The following PPP4R2 variants were observed in gnomAD, a reference collection of about 807,000 sequenced individuals.
PPP4R2 encodes protein phosphatase 4 regulatory subunit 2.
A neutral mutation model predicts 47.2 loss-of-function variants in PPP4R2; 13 were observed. The observed-to-expected ratio is 0.28, with a 90% CI of 0.18 to 0.44. PPP4R2 has a LOEUF of 0.44. PPP4R2 is among the 20% of genes least tolerant of loss of function. The probability of loss-of-function intolerance (pLI) is 1.00; values close to 1 mark genes in which losing one functional copy is unlikely to be tolerated. For missense variants in PPP4R2, 421 were observed against 491.2 expected (o/e 0.86, Z 1.35); for synonymous variants, 151 against 163.3 (o/e 0.92, Z 0.57).
At chr3:73,032,391 C>T (rs1408807104) in intron 2 of PPP4R2, among the ~76,000 whole-genome samples, 3 of 148,372 alleles carry the variant, frequency 2.0e-5, no homozygotes, top group Admixed American at 6.7e-5. Context: ...CTGGTTCAAG[C>T]GATTCTCCTG....
intron 2 of PPP4R2, among the ~76,000 whole-genome samples, chr3:73,010,663 A>T (rs529855325): frequency 6.6e-6 from 1 of 151,516 alleles, no homozygotes; most frequent in Non-Finnish European, 1.5e-5. Flanking sequence ...GTTTCGAGCG[A>T]TTCTCTTGCC....
chr3:73,028,707 G>A (rs1214777220), intron 2 of PPP4R2, among the ~76,000 whole-genome samples: 3 of 152,120 alleles, frequency 2.0e-5, no homozygotes, highest in Non-Finnish European at 4.4e-5. Context: ...CAAAGTGCTG[G>A]GATTACAGGC....
intron 1 of PPP4R2, 110 bp from the exon 2 acceptor site, chr3:72,997,967 T>TG: frequency 2.6e-6 from 2 of 781,618 alleles, no homozygotes; most frequent in Non-Finnish European, 4.3e-6. Flanking sequence ...CCTTATTTTT[T>TG]TAATTTTGTA....
chr3:73,061,085 G>C (rs770021261), intron 5 of PPP4R2, 25 bp downstream of exon 5: 26 of 1,194,604 alleles, frequency 2.2e-5, no homozygotes, highest in Non-Finnish European at 2.8e-5. Flanking sequence ...TCTATTTCTA[G>C]TATATTATTT....
rs993260746 is a variant in PPP4R2, at chr3:73,035,006, A to C, written c.117-12180A>C. 8.5e-5 allele frequency among the ~76,000 whole-genome samples: 13 copies of C among 152,328 alleles called. No individual in the cohort carries two copies. In the East Asian group the frequency reaches 1.3e-3, roughly 16 times the overall value. ...AAGAGTCAGTAGAGTGAAGAAAATG[A>C]AATGGGAGAAAATATTTGCCAACTA... is the stretch of plus-strand genomic sequence containing the variant. On this transcript the variant is annotated intron_variant, in intron 2 of 8. Transcript: ENST00000356692.
chr3:73,000,218 C>A (rs1701430884), intron 2 of PPP4R2, among the ~76,000 whole-genome samples: 1 of 152,086 alleles, frequency 6.6e-6, no homozygotes, highest in African/African-American at 2.4e-5. Context: ...CCTATAGTCC[C>A]AGCTTCTCCA....
intron 2 of PPP4R2, among the ~76,000 whole-genome samples, chr3:73,040,282 A>G (rs949452362): frequency 2.6e-5 from 4 of 152,154 alleles, no homozygotes; most frequent in Admixed American, 2.0e-4. Flanking sequence ...GCTTTATATT[A>G]CTGATGACAC....
At chr3:73,062,448 A>G in intron 5 of PPP4R2, 1 of 1,612,116 alleles carries the variant, frequency 6.2e-7, no homozygotes, top group Non-Finnish European at 8.5e-7. Context: ...CCACCCTGTG[A>G]CCCCAAGTTT....
chr3:72,997,666 T>A (rs1458987421), intron 1 of PPP4R2, among the ~76,000 whole-genome samples: 2 of 152,204 alleles, frequency 1.3e-5, no homozygotes, highest in Admixed American at 6.5e-5. Context: ...TCTTTGACAT[T>A]CAGAATCATT....
At chr3:73,057,119 T>G (rs1702745690) in intron 3 of PPP4R2, among the ~76,000 whole-genome samples, 1 of 152,128 alleles carries the variant, frequency 6.6e-6, no homozygotes, top group African/African-American at 2.4e-5. Flanking sequence ...GAAGAGGAGC[T>G]AAGGTGAGTT....
At chr3:73,009,362 T>G (rs372848331) in intron 2 of PPP4R2, among the ~76,000 whole-genome samples, 16 of 152,186 alleles carry the variant, frequency 1.1e-4, no homozygotes, top group African/African-American at 3.4e-4. Flanking sequence ...CATTAAAAAG[T>G]TGAGAAGCAG....
intron 2 of PPP4R2, among the ~76,000 whole-genome samples, chr3:73,030,006 T>G (rs752436964): frequency 3.1e-4 from 47 of 152,174 alleles, no homozygotes; most frequent in South Asian, 1.0e-3. Context: ...ATTTGAGAGA[T>G]AATGGGAGGG....
At chr3:73,046,344 A>T (rs780527207) in intron 2 of PPP4R2, among the ~76,000 whole-genome samples, 4 of 152,144 alleles carry the variant, frequency 2.6e-5, no homozygotes, top group Non-Finnish European at 4.4e-5. Flanking sequence ...TAATTTGTGT[A>T]AATTTGTTTA....
chr3:73,033,949 G>T (rs1018336420), intron 2 of PPP4R2, among the ~76,000 whole-genome samples: 2 of 152,138 alleles, frequency 1.3e-5, no homozygotes, highest in African/African-American at 2.4e-5. Flanking sequence ...TGGATCATAC[G>T]GTAGTTCTGT....
chr3:73,018,302 C>T (rs1222560064), intron 2 of PPP4R2, among the ~76,000 whole-genome samples: 1 of 151,932 alleles, frequency 6.6e-6, no homozygotes, highest in Non-Finnish European at 1.5e-5. Context: ...TTCGTGGGTT[C>T]TACAGGGTTG....
chr3:73,022,750 T>G (rs1701985091), intron 2 of PPP4R2, among the ~76,000 whole-genome samples: 1 of 151,350 alleles, frequency 6.6e-6, no homozygotes, highest in Admixed American at 6.6e-5. Flanking sequence ...CGACCTAGAA[T>G]TGCAGCTTGC....
chr3:73,026,307 A>AC (rs768012726), intron 2 of PPP4R2, among the ~76,000 whole-genome samples: 6 of 152,148 alleles, frequency 3.9e-5, no homozygotes, highest in Non-Finnish European at 7.4e-5. Flanking sequence ...CTTTGCTGGA[A>AC]CAAAGACCTT....
At chr3:73,053,077 C>G (rs1702653238) in intron 3 of PPP4R2, among the ~76,000 whole-genome samples, 1 of 152,244 alleles carries the variant, frequency 6.6e-6, no homozygotes, top group Non-Finnish European at 1.5e-5. Context: ...ACTTTGTTCT[C>G]TGACACTGTT....
chr3:73,030,286 C>G (rs1387698435), intron 2 of PPP4R2, among the ~76,000 whole-genome samples: 1 of 152,116 alleles, frequency 6.6e-6, no homozygotes. Context: ...ATGGATAGTT[C>G]CATCTATGAT....
Sources: gnomAD v4.1 joint callset for allele counts (sites outside exome capture counted in the v4.1 genomes callset) on GRCh38, gnomAD v4.1.1 for gene constraint, MANE v1.5 for transcripts, NCBI Gene and HGNC (gene_info 2026-07-23, HGNC 2026-07-21) for gene names.